The following SNCAIP variants were observed in gnomAD, a reference collection of about 807,000 sequenced individuals.
SNCAIP encodes synuclein alpha interacting protein, also known as synphilin-1.
A neutral mutation model predicts 86.7 loss-of-function variants in SNCAIP; 43 were observed. The ratio of observed to expected loss-of-function variants is 0.50; its 90% confidence interval spans 0.39 to 0.64. SNCAIP has a LOEUF of 0.64. Ranked by LOEUF, SNCAIP falls within the 30% of genes least tolerant of loss-of-function variation. The pLI, the probability that SNCAIP is intolerant of heterozygous loss-of-function variation, is 0.00. For missense variants in SNCAIP, 981 were observed against 1,103.1 expected, an observed-to-expected ratio of 0.89 and a Z score of 1.57; for synonymous variants, 417 against 427.2, an observed-to-expected ratio of 0.98 and a Z score of 0.29.
At chr5:122,427,674 T>G (rs971673173) in intron 5 of SNCAIP, among the ~76,000 whole-genome samples, 3 of 152,218 alleles carry the variant, frequency 2.0e-5, no homozygotes, top group Non-Finnish European at 4.4e-5. Context: ...GACCTTGTTT[T>G]GAACACCAGT....
At chr5:122,314,582 T>C (rs989724775) in intron 1 of SNCAIP, among the ~76,000 whole-genome samples, 3 of 152,192 alleles carry the variant, frequency 2.0e-5, no homozygotes, top group East Asian at 3.8e-4. Context: ...ATATACTTAT[T>C]TTCTTGTGCC....
chr5:122,317,592 G>A (rs565464013), intron 1 of SNCAIP, among the ~76,000 whole-genome samples: 1 of 152,274 alleles, frequency 6.6e-6, no homozygotes, highest in East Asian at 1.9e-4. Flanking sequence ...AGGTGGGAAG[G>A]AGTGTATGGG....
At chr5:122,325,216 C>G (rs1753773963) in intron 1 of SNCAIP, among the ~76,000 whole-genome samples, 1 of 152,138 alleles carries the variant, frequency 6.6e-6, no homozygotes, top group Non-Finnish European at 1.5e-5. Flanking sequence ...GATAAGATGG[C>G]TGGCCAGCCT....
intron 3 of SNCAIP, among the ~76,000 whole-genome samples, chr5:122,415,499 G>A (rs1775121004): frequency 6.6e-6 from 1 of 152,190 alleles, no homozygotes; most frequent in African/African-American, 2.4e-5. Context: ...GGTGTCTAAA[G>A]CTAATTTTCT....
At chr5:122,385,372 A>C (rs924733449) in intron 1 of SNCAIP, among the ~76,000 whole-genome samples, 1 of 152,090 alleles carries the variant, frequency 6.6e-6, no homozygotes, top group Non-Finnish European at 1.5e-5. Flanking sequence ...TTCTAGTAAA[A>C]ATTTCTTGCC....
intron 8 of SNCAIP, among the ~76,000 whole-genome samples, chr5:122,448,681 A>ATATATATAT (rs984052488): frequency 7.4e-6 from 1 of 135,822 alleles, no homozygotes; most frequent in Admixed American, 7.9e-5. Flanking sequence ...TATATATGTT[A>ATATATATAT]TATATATATT....
At chr5:122,348,366 A>G (rs866303386) in intron 1 of SNCAIP, among the ~76,000 whole-genome samples, 1 of 152,128 alleles carries the variant, frequency 6.6e-6, no homozygotes, top group African/African-American at 2.4e-5. Flanking sequence ...GTTCTTGAAT[A>G]GTGGGATGGT....
intron 10 of SNCAIP, among the ~76,000 whole-genome samples, chr5:122,460,108 A>T (rs1302053610): frequency 2.0e-5 from 3 of 151,796 alleles, no homozygotes; most frequent in Non-Finnish European, 4.4e-5. Context: ...TCTCAATGAC[A>T]CTATGTGGCA....
intron 1 of SNCAIP, among the ~76,000 whole-genome samples, chr5:122,365,037 A>G (rs1046582953): frequency 1.3e-5 from 2 of 152,214 alleles, no homozygotes; most frequent in Non-Finnish European, 1.5e-5. Flanking sequence ...ATGAATCTCA[A>G]AAGAATCTGC....
chr5:122,390,529 C>G (rs1213461174), intron 1 of SNCAIP, among the ~76,000 whole-genome samples: 1 of 152,172 alleles, frequency 6.6e-6, no homozygotes, highest in Admixed American at 6.5e-5. Context: ...CACTTAGATC[C>G]TCTTTCTTTC....
intron 1 of SNCAIP, among the ~76,000 whole-genome samples, chr5:122,346,308 T>C (rs1257135476): frequency 6.6e-6 from 1 of 152,172 alleles, no homozygotes; most frequent in African/African-American, 2.4e-5. Context: ...TGGCTTACCT[T>C]ACATGGTTCA....
chr5:122,371,161 A>T (rs1002087051), intron 1 of SNCAIP, among the ~76,000 whole-genome samples: 1 of 152,040 alleles, frequency 6.6e-6, no homozygotes, highest in Non-Finnish European at 1.5e-5. Flanking sequence ...AAAAAAAATT[A>T]AAAATTGGCT....
intron 3 of SNCAIP, among the ~76,000 whole-genome samples, 176 bp from the exon 4 acceptor site, chr5:122,422,692 A>G (rs1776625108): frequency 1.3e-5 from 2 of 152,038 alleles, no homozygotes; most frequent in African/African-American, 4.8e-5. Flanking sequence ...TTGATCATTC[A>G]CTGTTTTCCA....
At chr5:122,372,405 G>T (rs1764461072) in intron 1 of SNCAIP, among the ~76,000 whole-genome samples, 1 of 152,144 alleles carries the variant, frequency 6.6e-6, no homozygotes, top group Non-Finnish European at 1.5e-5. Context: ...TCAAGTTGTT[G>T]CCACTCCATT....
intron 10 of SNCAIP, among the ~76,000 whole-genome samples, chr5:122,455,088 A>T (rs1038712027): frequency 6.6e-6 from 1 of 152,226 alleles, no homozygotes; most frequent in Admixed American, 6.5e-5. Context: ...TATTCACTGT[A>T]TTTAAATAAG....
intron 10 of SNCAIP, among the ~76,000 whole-genome samples, chr5:122,461,144 GTGGGAAATT>G (rs1786113715): frequency 6.6e-6 from 1 of 152,144 alleles, no homozygotes; most frequent in African/African-American, 2.4e-5. Context: ...AGGATTCTAG[GTGGGAAATT>G]ATTCTCTTTC....
chr5:122,325,851 CAG>C (rs1036773778), intron 1 of SNCAIP, among the ~76,000 whole-genome samples: 53 of 151,990 alleles, frequency 3.5e-4, no homozygotes, highest in African/African-American at 1.2e-3. Flanking sequence ...AAAAATGAAA[CAG>C]AGGTCAAGGG....
chr5:122,454,978 A>G (rs983647387), intron 10 of SNCAIP, among the ~76,000 whole-genome samples: 1 of 152,226 alleles, frequency 6.6e-6, no homozygotes, highest in Non-Finnish European at 1.5e-5. Context: ...CTCTAAGCTT[A>G]AGGAAAAGTC....
At position 122,423,486 on chromosome 5, in the gene SNCAIP, A is replaced by T; in HGVS notation, c.749A>T (p.Glu250Val). Residue 250 changes from glutamate to valine, a missense_variant, in exon 4 of 11, where the codon GAG (glutamate) becomes GTG (valine). Transcript: ENST00000261368. Reference sequence around the variant, plus strand: ...CTGGTTAAATGTGGCTCTGCATATGAGCCTGAAAACCAGAGTAAAGACTTC... The same window carrying T: ...CTGGTTAAATGTGGCTCTGCATATGTGCCTGAAAACCAGAGTAAAGACTTC... ...PPLVKCGSAY[E>V]PENQSKDFLN... is the part of the protein sequence containing the mutation. 1 of 1,614,206 alleles carries T rather than the reference A, an allele frequency of 6.2e-7. No homozygotes were observed.
Sources: allele counts gnomAD v4.1 joint callset (sites outside exome capture counted in the v4.1 genomes callset), GRCh38; gene constraint gnomAD v4.1.1; transcripts MANE v1.5; gene names NCBI Gene and HGNC (gene_info 2026-07-23, HGNC 2026-07-21).